The following FAM171B variants were observed in gnomAD, a reference collection of about 807,000 sequenced individuals.
FAM171B encodes protein FAM171B.
In FAM171B, 19 loss-of-function variants were observed where a neutral mutation model predicts 75.6. The ratio of observed to expected loss-of-function variants is 0.25; its 90% CI spans 0.18 to 0.37. The LOEUF is 0.37. FAM171B is among the 10% of genes least tolerant of loss of function. FAM171B has a pLI of 1.00. For synonymous variants in FAM171B, 367 were observed against 361.7 expected, an observed-to-expected ratio of 1.01 and a Z score of -0.17; for missense variants, 848 against 982.4, an observed-to-expected ratio of 0.86 and a Z score of 1.83.
chr2:186,727,125 C>A (rs1350088768), intron 1 of FAM171B, among the ~76,000 whole-genome samples: 1 of 151,946 alleles, frequency 6.6e-6, no homozygotes, highest in East Asian at 1.9e-4. Flanking sequence ...TTAGCTCAAG[C>A]TTTAGCATGA....
intron 3 of FAM171B, among the ~76,000 whole-genome samples, chr2:186,744,027 C>T (rs1259304355): frequency 1.3e-5 from 2 of 152,158 alleles, no homozygotes; most frequent in African/African-American, 4.8e-5. Flanking sequence ...TGATTTGCCT[C>T]ACTTGTGTAT....
intron 1 of FAM171B, among the ~76,000 whole-genome samples, chr2:186,725,125 A>C (rs1690011450): frequency 6.6e-6 from 1 of 152,128 alleles, no homozygotes; most frequent in African/African-American, 2.4e-5. Context: ...CAGGCAGATC[A>C]CGAGGTCAGG....
At chr2:186,739,217 G>C (rs768063366) in intron 1 of FAM171B, among the ~76,000 whole-genome samples, 4 of 152,166 alleles carry the variant, frequency 2.6e-5, no homozygotes, top group Non-Finnish European at 4.4e-5. Flanking sequence ...ATGGGTGTGT[G>C]AATGTGAAGC....
rs747388054 is a variant in FAM171B at position 186,761,574 on chromosome 2, A to T, written c.1232A>T (p.His411Leu). 8 of 1,611,856 alleles carry T rather than the reference A, an allele frequency of 5.0e-6. No individual in the cohort carries two copies. The highest frequency in any genetic ancestry group is 5.9e-6 in the Non-Finnish European group (7 of 1,179,290). Residue 411 changes from histidine (H) to leucine (L), a missense_variant, in exon 8 of 8, where the codon CAT (histidine) becomes CTT (leucine). His to Leu is a moderately conservative substitution (Grantham distance 99). Coordinates refer to ENST00000304698, the MANE Select transcript of FAM171B (RefSeq NM_177454.4). ...ACAACTTCAACAACACACATAAATC[A>T]TATCAGTACAGTTAAAGTTGCATTA... ...DQTTSTTHIN[H>L]ISTVKVALKA...
At chr2:186,720,255 C>G (rs1435858777) in intron 1 of FAM171B, among the ~76,000 whole-genome samples, 1 of 152,212 alleles carries the variant, frequency 6.6e-6, no homozygotes, top group African/African-American at 2.4e-5. Context: ...CCAGGCTGAT[C>G]TCGAACTTCT....
At chr2:186,698,550 T>G (rs1252874360) in intron 1 of FAM171B, among the ~76,000 whole-genome samples, 1 of 152,192 alleles carries the variant, frequency 6.6e-6, no homozygotes. Context: ...GGTGTATATA[T>G]TTATGGGCTA....
chr2:186,761,746 A>G lies in FAM171B; in HGVS notation c.1404A>G (p.Ser468=). The G allele has an allele frequency of 6.2e-7, 1 of 1,613,538 alleles. No homozygotes were observed. The highest frequency in any genetic ancestry group is 2.2e-5 in the East Asian group (1 of 44,864). ...TTAAAATCTACAATGAAGATGTTTC[A>G]TTTCTATCAGTCAATCAAAATAATT... The part of the protein sequence containing the change: ...DDFKIYNEDV[S]FLSVNQNNYS... Residue 468 remains serine, a synonymous_variant, in exon 8 of 8, where the codon TCA becomes TCG. Coordinates refer to ENST00000304698, the MANE Select transcript of FAM171B (RefSeq NM_177454.4).
At chr2:186,751,413 C>A in intron 5 of FAM171B, 109 bp downstream of exon 5, 1 of 1,040,278 alleles carries the variant, frequency 9.6e-7, no homozygotes, top group Non-Finnish European at 1.3e-6. Flanking sequence ...AGTAACATCA[C>A]AAATGTATTT....
chr2:186,725,770 C>G (rs1420617226), intron 1 of FAM171B, among the ~76,000 whole-genome samples: 1 of 152,128 alleles, frequency 6.6e-6, no homozygotes, highest in East Asian at 1.9e-4. Context: ...CATGAAGTAT[C>G]CTTAATAAAT....
chr2:186,694,120 C>A lies in FAM171B; in HGVS notation c.-54C>A. Reference sequence around the variant, plus strand: ...TGCCAGGAGCCCGCAGCCCTGGCGCCCGCCGCCGCCCGGAGCCCCGCAATA... The same window carrying A: ...TGCCAGGAGCCCGCAGCCCTGGCGCACGCCGCCGCCCGGAGCCCCGCAATA... On this transcript the variant is annotated 5_prime_UTR_variant, in exon 1 of 8. Transcript: ENST00000304698. 1 of 1,425,356 alleles carries A rather than the reference C, an allele frequency of 7.0e-7. No homozygotes were observed. The highest frequency in any genetic ancestry group is 9.1e-7 in the Non-Finnish European group (1 of 1,099,056). The allele number at this position is 1,425,356 out of a possible 1,614,324, so 88.3% of individuals were successfully genotyped here. A position where few individuals can be genotyped will look rare whatever the true frequency, so the allele number is the denominator to read the frequency against.
rs914198952 is a variant in FAM171B, at chr2:186,765,291, A to G, written c.*2468A>G. The G allele has an allele frequency of 6.6e-6, 1 of 152,036 alleles. No individual in the cohort carries two copies. The highest frequency in any genetic ancestry group is 2.4e-5 in the African/African-American group (1 of 41,450). The allele number at this position is 152,036 out of a possible 1,614,324, so 9.4% of individuals were successfully genotyped here. On this transcript the variant is annotated 3_prime_UTR_variant, in exon 8 of 8. Transcript: ENST00000304698. ...AGATGATTTTGGTCACAAATTGTTA[A>G]CATTTGTCGATCCTTTGTATATACT...
intron 1 of FAM171B, among the ~76,000 whole-genome samples, chr2:186,713,072 A>G (rs1689830650): frequency 6.6e-6 from 1 of 152,212 alleles, no homozygotes; most frequent in Non-Finnish European, 1.5e-5. Flanking sequence ...ACCTCAGTTC[A>G]TGGTTGTGAT....
rs1690117920 is a variant in FAM171B at position 186,731,796 on chromosome 2, C to G, written c.239-8432C>G. On this transcript the variant is annotated intron_variant, in intron 1 of 7. Coordinates refer to ENST00000304698, the MANE Select transcript of FAM171B (RefSeq NM_177454.4). ...ACTCACATTATGGCCTGGGCTCCAC[C>G]TCTTGTCAGATCAGTGGCAGCATTA... is the stretch of plus-strand genomic sequence containing the variant. 2.6e-5 allele frequency among the ~76,000 whole-genome samples: 4 copies of G among 152,124 alleles called. 1 individual carries two copies. The highest frequency in any genetic ancestry group is 2.6e-4 in the Admixed American group (4 of 15,274).
chr2:186,694,272 A>T lies in FAM171B; in HGVS notation c.99A>T (p.Glu33Asp), dbSNP rs893771621. ...TGGTCCCCGCGGCCGCCAGAGCGGAACTCAGCCGCTCCGACCTCAGCCTCA... is the reference window on the plus strand; with the variant it reads ...TGGTCCCCGCGGCCGCCAGAGCGGATCTCAGCCGCTCCGACCTCAGCCTCA... The part of the protein sequence containing the change: ...ARLVPAAARA[E>D]LSRSDLSLIQ... Residue 33 changes from glutamate (E) to aspartate (D), a missense_variant, in exon 1 of 8, where the codon GAA becomes GAT. Physicochemically the swap from Glu to Asp is conservative, Grantham distance 45. Coordinates refer to ENST00000304698, the MANE Select transcript of FAM171B (RefSeq NM_177454.4). 1 of 1,611,980 alleles carries T rather than the reference A, an allele frequency of 6.2e-7. No individual in the cohort carries two copies. Among genetic ancestry groups the T allele is most frequent in the Non-Finnish European group, 8.5e-7 (1 of 1,179,654 alleles).
chr2:186,762,239 G>T lies in FAM171B; in HGVS notation c.1897G>T (p.Val633Phe). 1 of 1,613,720 alleles carries T rather than the reference G, an allele frequency of 6.2e-7. No individual in the cohort carries two copies. Among genetic ancestry groups the T allele is most frequent in the Non-Finnish European group, 8.5e-7 (1 of 1,179,802 alleles). Residue 633 changes from valine (V) to phenylalanine (F), a missense_variant, in exon 8 of 8, where the codon GTT (valine) becomes TTT (phenylalanine). This residue lies in a region of FAM171B where 47 missense variants were observed against 94.0 expected (regional missense o/e 0.50). Coordinates refer to ENST00000304698, the MANE Select transcript of FAM171B (RefSeq NM_177454.4). The surrounding 1 kb of genome is among the most constrained non-coding windows in gnomAD (Gnocchi z 4.0). ...YSSSLLESVS[V>F]PGTLNEAVVM... ...AAGCAGCTTACTGGAATCCGTCTCT[G>T]TTCCTGGAACACTAAATGAGGCTGT...
intron 1 of FAM171B, among the ~76,000 whole-genome samples, chr2:186,727,903 G>A (rs1690059054): frequency 6.6e-6 from 1 of 151,960 alleles, no homozygotes; most frequent in South Asian, 2.1e-4. Context: ...ATAGTTTACA[G>A]GTATACCTAC....
chr2:186,694,364 A>G lies in FAM171B; in HGVS notation c.191A>G (p.Glu64Gly), dbSNP rs1266767176. ...CAAAAGCAGCTGGAGGAGGCTGAGG[A>G]GGAGAGGACAGAGGTGCCTGGGGCA... ...QQQKQLEEAEEERTEVPGATS... is the reference protein window; with the variant it reads ...QQQKQLEEAEGERTEVPGATS... Residue 64 changes from glutamate (E) to glycine (G), a missense_variant, in exon 1 of 8, where the codon GAG becomes GGG. By Grantham distance (98) the Glu-to-Gly change is moderately conservative. Coordinates refer to ENST00000304698, the MANE Select transcript of FAM171B (RefSeq NM_177454.4). The G allele has an allele frequency of 1.9e-6, 3 of 1,613,182 alleles. No individual in the cohort carries two copies. Among genetic ancestry groups the G allele is most frequent in the South Asian group, 1.1e-5 (1 of 90,670 alleles).
intron 1 of FAM171B, among the ~76,000 whole-genome samples, chr2:186,714,977 A>C (rs1038960302): frequency 6.6e-6 from 1 of 152,222 alleles, no homozygotes; most frequent in African/African-American, 2.4e-5. Context: ...GAATTAGAAA[A>C]ATTTACTTCA....
rs1001658338 is a variant in FAM171B at position 186,763,848 on chromosome 2, A to T, written c.*1025A>T. 2 of 152,118 alleles carry T rather than the reference A, an allele frequency of 1.3e-5. No homozygotes were observed. The highest frequency in any genetic ancestry group is 2.9e-5 in the Non-Finnish European group (2 of 67,984). 9.4% of individuals were successfully genotyped at this position (152,118 alleles called of 1,614,324 possible). The stretch of plus-strand genomic sequence containing the variant: ...AAGAAAAAGAGATGCCATTTTCCTG[A>T]GGCTCAAAAATACCTTCAGGATAGT... On this transcript the variant is annotated 3_prime_UTR_variant, in exon 8 of 8. Transcript: ENST00000304698.
Sources: allele counts gnomAD v4.1 joint callset (sites outside exome capture counted in the v4.1 genomes callset), GRCh38; gene constraint gnomAD v4.1.1; regional missense constraint gnomAD v4.1.1; non-coding constraint Gnocchi (gnomAD v3.1); transcripts MANE v1.5; gene names NCBI Gene and HGNC (gene_info 2026-07-23, HGNC 2026-07-21).